The following SUPT6H variants were observed in gnomAD, a reference collection of about 807,000 sequenced individuals.
SUPT6H encodes the protein SPT6 homolog, histone chaperone and transcription elongation factor.
Under a neutral mutation model 222.3 loss-of-function variants are expected in SUPT6H, and 11 were observed. That is an observed-to-expected ratio of 0.05 (90% confidence interval 0.03 to 0.08). The LOEUF (loss-of-function observed/expected upper bound fraction) is 0.08, where lower values mean the gene tolerates loss of function less well. SUPT6H is among the 10% of genes least tolerant of loss of function. The pLI, the probability that SUPT6H is intolerant of heterozygous loss-of-function variation, is 1.00. For missense variants in SUPT6H, 1,422 were observed against 2,216.0 expected (o/e 0.64, Z 7.19); for synonymous variants, 762 against 801.2 (o/e 0.95, Z 0.83).
chr17:28,694,695 T>C (rs2031817539), intron 28 of SUPT6H, among the ~76,000 whole-genome samples: 1 of 152,186 alleles, frequency 6.6e-6, no homozygotes, highest in Admixed American at 6.5e-5. Context: ...ATTATTTTGC[T>C]TCCCCTTCAA....
At chr17:28,682,229 T>A (rs2031151948) in intron 13 of SUPT6H, 2 of 435,654 alleles carry the variant, frequency 4.6e-6, no homozygotes, top group Admixed American at 3.6e-5. Context: ...GAGAGTCCAG[T>A]CTGTCTGTTT....
At chr17:28,662,545 C>A (rs911859584) in intron 1 of SUPT6H, among the ~76,000 whole-genome samples, 1 of 152,130 alleles carries the variant, frequency 6.6e-6, no homozygotes, top group African/African-American at 2.4e-5. Context: ...AGCCCAGTGA[C>A]ACCCGGAACC....
rs752277530 is a variant in SUPT6H at position 28,681,904 on chromosome 17, T to C, written c.1521T>C (p.Asp507=). Residue 507 remains aspartate, a synonymous_variant, in exon 13 of 37, where the codon GAT becomes GAC. Coordinates refer to ENST00000314616, the MANE Select transcript of SUPT6H (RefSeq NM_003170.5). The stretch of plus-strand genomic sequence containing the variant: ...CAGGTGAAGGTGACGAGGCAGAAGA[T>C]GAGGAGCAGAGGGGGCCTGAGCTCA... ...DEEGEGDEAE[D]EEQRGPELKQ... is the part of the protein sequence containing the mutation. 6.2e-7 allele frequency: 1 copy of C among 1,610,034 alleles called. No individual in the cohort carries two copies. Among genetic ancestry groups the C allele is most frequent in the South Asian group, 1.1e-5 (1 of 89,386 alleles).
rs2030895908 is a variant in SUPT6H, at chr17:28,678,564, A to G, written c.1136A>G (p.Tyr379Cys). Reference protein sequence around the residue: ...QHFEVPFIAFYRKEYVEPELH... With the variant: ...QHFEVPFIAFCRKEYVEPELH... ...TCCTAGGTGCCTTTTATTGCCTTCT[A>G]TCGAAAGGAGTATGTGGAGCCTGAG... Residue 379 changes from tyrosine (Y) to cysteine (C), a missense_variant, in exon 10 of 37, where the codon TAT (tyrosine) becomes TGT (cysteine). Coordinates refer to ENST00000314616, the MANE Select transcript of SUPT6H (RefSeq NM_003170.5). 1 of 1,614,120 alleles carries G rather than the reference A, an allele frequency of 6.2e-7. No individual in the cohort carries two copies. The highest frequency in any genetic ancestry group is 8.5e-7 in the Non-Finnish European group (1 of 1,180,010).
At chr17:28,676,519 C>T (rs2030755459) in intron 7 of SUPT6H, 89 bp downstream of exon 7, 7 of 1,582,244 alleles carry the variant, frequency 4.4e-6, no homozygotes, top group Admixed American at 3.5e-5. Flanking sequence ...CATTGAGTAT[C>T]CAGCACAGGT....
chr17:28,668,932 TGGG>T (rs1328678022), intron 1 of SUPT6H, among the ~76,000 whole-genome samples: 2 of 152,276 alleles, frequency 1.3e-5, no homozygotes, highest in African/African-American at 4.8e-5. Context: ...CTTGGGGTCA[TGGG>T]GGAGCATCAC....
intron 12 of SUPT6H, 87 bp from the exon 13 acceptor site, chr17:28,681,795 A>G (rs2031116652): frequency 8.6e-7 from 1 of 1,166,170 alleles, no homozygotes; most frequent in Admixed American, 2.4e-5. Context: ...TTGGCTGGGT[A>G]CCCTTTGAGG....
Position 28,683,034 on chromosome 17 carries a change from G to A in SUPT6H, c.1820G>A (p.Arg607Lys). ...AREPLVRQVLRQTFQERAKLN... is the reference protein window; with the variant it reads ...AREPLVRQVLKQTFQERAKLN... ...GAGCCCCTTGTCCGGCAGGTGCTGAGGCAAACCTTCCAAGAGAGAGCCAAG... is the reference window on the plus strand; with the variant it reads ...GAGCCCCTTGTCCGGCAGGTGCTGAAGCAAACCTTCCAAGAGAGAGCCAAG... Residue 607 changes from arginine (R) to lysine (K), a missense_variant, in exon 15 of 37, where the codon AGG (arginine) becomes AAG (lysine). Arg to Lys is a conservative substitution (Grantham distance 26). Around this residue, in one of 13 missense-constraint regions of SUPT6H, gnomAD observed 121 missense variants for 158.0 expected, o/e 0.77. Coordinates refer to ENST00000314616, the MANE Select transcript of SUPT6H (RefSeq NM_003170.5). 1 of 1,613,876 alleles carries A rather than the reference G, an allele frequency of 6.2e-7. No individual in the cohort carries two copies. Among genetic ancestry groups the A allele is most frequent in the South Asian group, 1.1e-5 (1 of 91,042 alleles).
At chr17:28,699,946 C>G (rs1387553963) in intron 33 of SUPT6H, 53 bp downstream of exon 33, 28 of 1,553,478 alleles carry the variant, frequency 1.8e-5, no homozygotes, top group Middle Eastern at 4.0e-4. Context: ...ACACCTAGGA[C>G]CTGACTCAGA....
intron 32 of SUPT6H, among the ~76,000 whole-genome samples, chr17:28,699,195 C>T (rs1476172527): frequency 6.6e-6 from 1 of 152,190 alleles, no homozygotes; most frequent in Non-Finnish European, 1.5e-5. Flanking sequence ...TCCTCACACC[C>T]ACCCCATAGG....
Position 28,677,545 on chromosome 17 carries a change from C to CA in SUPT6H, c.898-158dup, listed in dbSNP as rs111301952. On this transcript the variant is annotated intron_variant, in intron 7 of 36. Coordinates refer to ENST00000314616, the MANE Select transcript of SUPT6H (RefSeq NM_003170.5). ...GAGCAACAAGAGTGAGACACCATCT[C>CA]AAAAAAAAAAAATGCTTATTTCATG... Among the ~76,000 whole-genome samples, 396 of 137,332 alleles carry CA rather than the reference C, an allele frequency of 2.9e-3. 3 individuals carry two copies. Among genetic ancestry groups the CA allele is most frequent in the African/African-American group, 8.2e-3 (307 of 37,414 alleles). 90.1% of individuals were successfully genotyped at this position (137,332 alleles called of 152,430 possible).
chr17:28,700,917 A>G (rs2032103807), intron 35 of SUPT6H, 24 bp from the exon 36 acceptor site: 2 of 1,596,636 alleles, frequency 1.3e-6, no homozygotes, highest in Non-Finnish European at 1.7e-6. Flanking sequence ...ACCCATCCCT[A>G]TTTAACTGTT....
chr17:28,678,321 A>T lies in SUPT6H; in HGVS notation c.1116+129A>T. 1.1e-5 allele frequency: 10 copies of T among 879,998 alleles called. No homozygotes were observed. The South Asian group carries it at 1.3e-4, about 12-fold the overall frequency. 54.5% of individuals were successfully genotyped at this position (879,998 alleles called of 1,614,324 possible). ...TATCCATGACTCAACAAGTGTTAGG[A>T]CCAGCAGAGACCCTAGTGATCGTAA... On this transcript the variant is annotated intron_variant, in intron 9 of 36. Transcript: ENST00000314616.
rs989915452 is a variant in SUPT6H, at chr17:28,682,157, G to T, written c.1597+177G>T. 1.7e-5 allele frequency: 9 copies of T among 516,584 alleles called. No homozygotes were observed. In the Admixed American group the frequency reaches 2.2e-4, roughly 13 times the overall value. 32.0% of individuals were successfully genotyped at this position (516,584 alleles called of 1,614,324 possible). On this transcript the variant is annotated intron_variant, in intron 13 of 36. Transcript: ENST00000314616. Reference sequence around the variant, plus strand: ...TCCCTCTCCAAACCCATTCCCGCCCGACATGATGGTTCAGCCTCTCCCTAA... The same window carrying T: ...TCCCTCTCCAAACCCATTCCCGCCCTACATGATGGTTCAGCCTCTCCCTAA...
chr17:28,689,567 G>A lies in SUPT6H; in HGVS notation c.3342+6G>A, dbSNP rs1271273170. 2 of 1,613,640 alleles carry A rather than the reference G, an allele frequency of 1.2e-6. No homozygotes were observed. ...CAGAAGAGCTGGAGAGGCAGGTAAGGGACAGCATGGAAGGCCCGGCAGGAG... is the reference window on the plus strand; with the variant it reads ...CAGAAGAGCTGGAGAGGCAGGTAAGAGACAGCATGGAAGGCCCGGCAGGAG... On this transcript the variant is annotated splice_donor_region_variant and intron_variant, in intron 25 of 36. Coordinates refer to ENST00000314616, the MANE Select transcript of SUPT6H (RefSeq NM_003170.5).
At chr17:28,669,103 G>A (rs572139311) in intron 1 of SUPT6H, among the ~76,000 whole-genome samples, 12 of 152,284 alleles carry the variant, frequency 7.9e-5, no homozygotes, top group African/African-American at 2.6e-4. Flanking sequence ...TACCAGATTC[G>A]AAATTAAAAC....
At position 28,686,643 on chromosome 17, in the gene SUPT6H, C is replaced by T. The variant is rs369369064; in HGVS notation, c.2565-11C>T. On this transcript the variant is annotated splice_polypyrimidine_tract_variant and intron_variant, in intron 20 of 36. Coordinates refer to ENST00000314616, the MANE Select transcript of SUPT6H (RefSeq NM_003170.5). ...GAAAACATATTCATTGACCAACACT[C>T]ATCCCACCAGGGACGCCCAGATGTT... 45 of 1,583,732 alleles carry T rather than the reference C, an allele frequency of 2.8e-5. No individual in the cohort carries two copies. Among genetic ancestry groups the T allele is most frequent in the East Asian group, 1.3e-4 (6 of 44,600 alleles).
At chr17:28,696,638 A>G (rs577433478) in intron 29 of SUPT6H, among the ~76,000 whole-genome samples, 24 of 149,940 alleles carry the variant, frequency 1.6e-4, no homozygotes, top group African/African-American at 5.4e-4. Flanking sequence ...GTGTATTCCC[A>G]GCTATTTTAG....
chr17:28,673,252 G>A (rs2030541018), intron 1 of SUPT6H, 119 bp from the exon 2 acceptor site: 1 of 604,734 alleles, frequency 1.7e-6, no homozygotes, highest in Non-Finnish European at 3.0e-6. Context: ...TCCCCAAGTG[G>A]GAATGTTGAG....
Sources: gnomAD v4.1 joint callset for allele counts (sites outside exome capture counted in the v4.1 genomes callset) on GRCh38, gnomAD v4.1.1 for gene constraint, gnomAD v4.1.1 regional missense constraint, MANE v1.5 for transcripts, NCBI Gene and HGNC (gene_info 2026-07-23, HGNC 2026-07-21) for gene names.